The following DAB1 variants were observed in gnomAD, a reference collection of about 807,000 sequenced individuals.
DAB1 encodes DAB adaptor protein 1.
A neutral mutation model predicts 64.6 loss-of-function variants in DAB1; 15 were observed. That is an observed-to-expected ratio of 0.23 (90% CI 0.16 to 0.36). The LOEUF (loss-of-function observed/expected upper bound fraction) is 0.36. DAB1 is among the 10% of genes least tolerant of loss of function. The probability of loss-of-function intolerance (pLI) is 1.00; values close to 1 mark genes in which losing one functional copy is unlikely to be tolerated. For missense variants in DAB1, 596 were observed against 706.7 expected, an observed-to-expected ratio of 0.84 and a Z score of 1.78; for synonymous variants, 235 against 251.9, an observed-to-expected ratio of 0.93 and a Z score of 0.64.
chr1:58,429,214 T>C lies in DAB1; in HGVS notation n.257+76846A>G, dbSNP rs370492437. On this transcript the variant is annotated intron_variant and non_coding_transcript_variant, in intron 3 of 20. Transcript: ENST00000485760. ...TGAGGACAGGAGTTCAAGACTAACA[T>C]AACAAGACTCTGTCTCTAAAAAAAA... is the stretch of plus-strand genomic sequence containing the variant. Among the ~76,000 whole-genome samples, 34 of 152,206 alleles carry C rather than the reference T, an allele frequency of 2.2e-4. 1 individual carries two copies. Among genetic ancestry groups the C allele is most frequent in the African/African-American group, 8.2e-4 (34 of 41,514 alleles).
chr1:58,226,558 G>T (rs578176783), intron 4 of DAB1, among the ~76,000 whole-genome samples: 1 of 152,136 alleles, frequency 6.6e-6, no homozygotes, highest in Non-Finnish European at 1.5e-5. Flanking sequence ...AGTAGCTACA[G>T]ATCTCTCATC....
chr1:57,477,155 G>C (rs1045241012), intron 7 of DAB1, among the ~76,000 whole-genome samples: 3 of 152,202 alleles, frequency 2.0e-5, no homozygotes, highest in Non-Finnish European at 4.4e-5. Context: ...GCACACAGAA[G>C]GCCTTACAGG....
intron 6 of DAB1, among the ~76,000 whole-genome samples, chr1:57,818,142 A>G (rs1476199322): frequency 2.6e-5 from 4 of 152,210 alleles, no homozygotes; most frequent in Non-Finnish European, 4.4e-5. Context: ...AGAGCTAGAT[A>G]ATACTATAGA....
intron 4 of DAB1, among the ~76,000 whole-genome samples, chr1:57,108,248 T>C (rs1655347074): frequency 6.6e-6 from 1 of 152,196 alleles, no homozygotes; most frequent in Non-Finnish European, 1.5e-5. Context: ...AGAGACATAT[T>C]TGTTAAATTC....
intron 3 of DAB1, among the ~76,000 whole-genome samples, chr1:58,470,927 G>A (rs1645350667): frequency 1.3e-5 from 2 of 152,262 alleles, no homozygotes; most frequent in South Asian, 2.1e-4. Context: ...AGGCAGAATC[G>A]TAGCAGCAAA....
chr1:57,572,955 A>C (rs781425309), intron 7 of DAB1, among the ~76,000 whole-genome samples: 58 of 152,210 alleles, frequency 3.8e-4, no homozygotes, highest in Non-Finnish European at 1.2e-4. Context: ...CAAACCATTA[A>C]GGATCCACTC....
At chr1:57,452,533 G>A (rs527688484) in intron 7 of DAB1, among the ~76,000 whole-genome samples, 10 of 152,130 alleles carry the variant, frequency 6.6e-5, no homozygotes, top group South Asian at 2.1e-4. Flanking sequence ...CAACCTGAAC[G>A]TTTTATCTCT....
chr1:58,267,032 C>G (rs1661185622), intron 4 of DAB1, among the ~76,000 whole-genome samples: 1 of 151,956 alleles, frequency 6.6e-6, no homozygotes, highest in South Asian at 2.1e-4. Flanking sequence ...ACAGCCTGAC[C>G]AATATGGTGA....
At chr1:57,222,601 C>T (rs1167726850) in intron 2 of DAB1, among the ~76,000 whole-genome samples, 1 of 152,116 alleles carries the variant, frequency 6.6e-6, no homozygotes, top group Non-Finnish European at 1.5e-5. Flanking sequence ...AATGGATACA[C>T]CCAGAGAGGG....
At chr1:57,291,856 C>T (rs2100667694) in intron 1 of DAB1, among the ~76,000 whole-genome samples, 1 of 152,256 alleles carries the variant, frequency 6.6e-6, no homozygotes, top group African/African-American at 2.4e-5. Flanking sequence ...AGACACCGTG[C>T]TAGGAACAGA....
chr1:57,192,932 T>G (rs572367878), intron 2 of DAB1, among the ~76,000 whole-genome samples: 2 of 152,208 alleles, frequency 1.3e-5, no homozygotes, highest in African/African-American at 2.4e-5. Flanking sequence ...TAAAATTCAT[T>G]TTAATTGACA....
At chr1:57,328,708 C>T (rs1363004030) in intron 1 of DAB1, among the ~76,000 whole-genome samples, 7 of 152,146 alleles carry the variant, frequency 4.6e-5, no homozygotes, top group African/African-American at 1.7e-4. Context: ...GACTAACTGT[C>T]CTTTCTCTAT....
intron 6 of DAB1, among the ~76,000 whole-genome samples, chr1:57,735,025 ATC>A (rs1199720327): frequency 2.0e-5 from 3 of 152,240 alleles, no homozygotes; most frequent in East Asian, 3.8e-4. Context: ...CTACATTGAT[ATC>A]TGTATCAGGG....
At chr1:57,700,285 C>T (rs748315140) in intron 6 of DAB1, among the ~76,000 whole-genome samples, 2 of 152,142 alleles carry the variant, frequency 1.3e-5, no homozygotes, top group Non-Finnish European at 1.5e-5. Context: ...TACAGTAATA[C>T]TTTTACTAAA....
At chr1:57,831,275 G>A (rs529621537) in intron 1 of DAB1, among the ~76,000 whole-genome samples, 13 of 152,264 alleles carry the variant, frequency 8.5e-5, no homozygotes, top group Admixed American at 8.5e-4. Context: ...CTGGGAGGGA[G>A]AGAGATTAGG....
chr1:57,553,384 G>GAGAGAAAGAAAGAAAGAAAGAAAA (rs1553193729), intron 7 of DAB1, among the ~76,000 whole-genome samples: 2 of 6,952 alleles, frequency 2.9e-4, no homozygotes, highest in African/African-American at 3.6e-4. Flanking sequence ...AAGGAAGAAA[G>GAGAGAAAGAAAGAAAGAAAGAAAA]AGAAAGAAAG....
intron 2 of DAB1, among the ~76,000 whole-genome samples, chr1:57,246,015 A>G (rs1668844994): frequency 6.6e-6 from 1 of 152,222 alleles, no homozygotes; most frequent in Non-Finnish European, 1.5e-5. Flanking sequence ...TTTAAAAGGG[A>G]AGAAGAGCAT....
At chr1:57,370,598 T>C (rs1168599407) in intron 1 of DAB1, among the ~76,000 whole-genome samples, 1 of 140,458 alleles carries the variant, frequency 7.1e-6, no homozygotes, top group Non-Finnish European at 1.5e-5. Context: ...GAGAAACAGA[T>C]TTAAAAGACA....
At chr1:57,524,638 G>A (rs1182188237) in intron 7 of DAB1, among the ~76,000 whole-genome samples, 1 of 152,142 alleles carries the variant, frequency 6.6e-6, no homozygotes, top group Non-Finnish European at 1.5e-5. Context: ...CCTCCTTAAG[G>A]GTGGGGGAAA....
Sources: allele counts gnomAD v4.1 joint callset (sites outside exome capture counted in the v4.1 genomes callset), GRCh38; gene constraint gnomAD v4.1.1; transcripts MANE v1.5; gene names NCBI Gene and HGNC (gene_info 2026-07-23, HGNC 2026-07-21).